Variants in ABLIM1 observed in about 807,000 individuals in gnomAD.
The protein encoded by ABLIM1 is actin-binding LIM protein 1.
Under a neutral mutation model 107.0 loss-of-function variants are expected in ABLIM1, and 40 were observed. The observed-to-expected ratio is 0.37, with a 90% CI of 0.29 to 0.49. ABLIM1 has a LOEUF of 0.49. Ranked by LOEUF, ABLIM1 falls within the 20% of genes least tolerant of loss-of-function variation. ABLIM1 has a pLI of 0.97. For missense variants in ABLIM1, 857 were observed against 1,008.5 expected, an observed-to-expected ratio of 0.85 and a Z score of 2.04; for synonymous variants, 357 against 357.3, an observed-to-expected ratio of 1.00 and a Z score of 0.01.
intron 1 of ABLIM1, among the ~76,000 whole-genome samples, chr10:114,602,312 G>C (rs1285020855): frequency 6.6e-6 from 1 of 152,146 alleles, no homozygotes; most frequent in Admixed American, 6.5e-5. Context: ...TATTGATTTA[G>C]AAGGCACCTT....
At chr10:114,495,171 C>G (rs937995198) in intron 6 of ABLIM1, among the ~76,000 whole-genome samples, 2 of 152,114 alleles carry the variant, frequency 1.3e-5, no homozygotes, top group African/African-American at 4.8e-5. Flanking sequence ...CTCACATTCT[C>G]CTTTGCAGCT....
intron 15 of ABLIM1, among the ~76,000 whole-genome samples, chr10:114,447,533 T>C (rs764012662): frequency 2.1e-4 from 32 of 152,254 alleles, no homozygotes; most frequent in Non-Finnish European, 3.2e-4. Context: ...ACTCTAATTA[T>C]ATAGAACAAT....
chr10:114,604,611 C>T (rs536788955), intron 1 of ABLIM1, among the ~76,000 whole-genome samples: 5 of 152,170 alleles, frequency 3.3e-5, no homozygotes, highest in Non-Finnish European at 7.3e-5. Flanking sequence ...GTGATTCTTA[C>T]GCATACTCCA....
At chr10:114,557,224 T>C (rs542010190) in intron 4 of ABLIM1, among the ~76,000 whole-genome samples, 4 of 152,336 alleles carry the variant, frequency 2.6e-5, no homozygotes, top group African/African-American at 9.6e-5. Flanking sequence ...TAATCACCCA[T>C]GTCCCTGTAG....
At chr10:114,518,826 A>AT (rs1199659257) in intron 6 of ABLIM1, among the ~76,000 whole-genome samples, 1 of 151,818 alleles carries the variant, frequency 6.6e-6, no homozygotes, top group Non-Finnish European at 1.5e-5. Flanking sequence ...TACTTAAAAA[A>AT]AAAAACTTTT....
chr10:114,704,318 A>C lies in ABLIM1; in HGVS notation c.-213+63743T>G, dbSNP rs1343831670. Among the ~76,000 whole-genome samples the C allele has an allele frequency of 4.6e-3, 368 of 80,494 alleles. 7 individuals carry two copies. Among genetic ancestry groups the C allele is most frequent in the South Asian group, 6.1e-3 (11 of 1,802 alleles). 52.8% of individuals were successfully genotyped at this position (80,494 alleles called of 152,430 possible). ...TCTCTCTCTCTATATATATATATAT[A>C]TATATATATATATATATTGCGCGCG... On this transcript the variant is annotated intron_variant, in intron 1 of 15. Coordinates refer to the ABLIM1 transcript ENST00000651092.
chr10:114,735,823 T>A (rs1292091320), intron 1 of ABLIM1, among the ~76,000 whole-genome samples: 1 of 152,162 alleles, frequency 6.6e-6, no homozygotes, highest in African/African-American at 2.4e-5. Flanking sequence ...TGTGGTCAAG[T>A]CAAAGTTATA....
chr10:114,606,509 C>G (rs1486448217), intron 1 of ABLIM1, among the ~76,000 whole-genome samples: 1 of 152,152 alleles, frequency 6.6e-6, no homozygotes, highest in African/African-American at 2.4e-5. Flanking sequence ...GCTGAGATTA[C>G]AGGCGTAAGG....
At chr10:114,485,038 T>G (rs549646850) in intron 8 of ABLIM1, among the ~76,000 whole-genome samples, 1 of 152,372 alleles carries the variant, frequency 6.6e-6, no homozygotes, top group South Asian at 2.1e-4. Context: ...TGAACAAACG[T>G]GGCAACACGG....
chr10:114,651,479 T>C (rs2079239285), intron 1 of ABLIM1, among the ~76,000 whole-genome samples: 1 of 152,060 alleles, frequency 6.6e-6, no homozygotes, highest in Non-Finnish European at 1.5e-5. Flanking sequence ...GGCAGCAGAA[T>C]TGCACATACA....
chr10:114,474,976 A>T (rs1200063502), intron 8 of ABLIM1, among the ~76,000 whole-genome samples: 1 of 152,174 alleles, frequency 6.6e-6, no homozygotes, highest in African/African-American at 2.4e-5. Flanking sequence ...GCCTTCTGCC[A>T]TGATTGTGAG....
At position 114,473,082 on chromosome 10, in the gene ABLIM1, C is replaced by A. The variant is rs370279597; in HGVS notation, c.1170G>T (p.Pro390=). ...CAATGTCATAAATTGCCTTGACCTT[C>A]GGAATGGCTGCTAAATCCTTGTAAT... ...ILDYKDLAAI[P]KVKAIYDIER... is the part of the protein sequence containing the mutation. The change falls in exon 10 of 23, where the codon CCG becomes CCT. Residue 390 remains proline (P), a synonymous_variant. Coordinates refer to ENST00000533213, the MANE Select transcript of ABLIM1 (RefSeq NM_002313.7). The A allele has an allele frequency of 1.9e-6, 3 of 1,613,336 alleles. No individual in the cohort carries two copies. The South Asian group carries it at 3.3e-5, about 18-fold the overall frequency.
intron 1 of ABLIM1, among the ~76,000 whole-genome samples, chr10:114,756,946 A>G (rs2082642897): frequency 6.6e-6 from 1 of 152,144 alleles, no homozygotes; most frequent in Non-Finnish European, 1.5e-5. Context: ...CTGGAACTCT[A>G]TAAGGAAAGG....
intron 1 of ABLIM1, among the ~76,000 whole-genome samples, chr10:114,744,193 G>C (rs1225415356): frequency 1.3e-5 from 2 of 152,188 alleles, no homozygotes; most frequent in Non-Finnish European, 1.5e-5. Flanking sequence ...TTTGGAGGTA[G>C]ACTCAAACTT....
chr10:114,733,669 A>G (rs1455571313), intron 1 of ABLIM1, among the ~76,000 whole-genome samples: 1 of 152,110 alleles, frequency 6.6e-6, no homozygotes, highest in Non-Finnish European at 1.5e-5. Flanking sequence ...GTATTCTTAT[A>G]ATTAGATAAA....
the ABLIM1 span, among the ~76,000 whole-genome samples, chr10:114,781,863 A>G: frequency 6.6e-6 from 1 of 152,000 alleles, no homozygotes. Flanking sequence ...AAATCTAAAC[A>G]TGCTCTTTCT....
In ABLIM1 at chr10:114,436,084, T is replaced by C. The variant is rs2059340709; in HGVS notation, c.*176A>G. 2 of 588,154 alleles carry C rather than the reference T, an allele frequency of 3.4e-6. No homozygotes were observed. The highest frequency in any genetic ancestry group is 2.2e-5 in the South Asian group (1 of 44,562). 36.4% of individuals were successfully genotyped at this position (588,154 alleles called of 1,614,324 possible). On this transcript the variant is annotated 3_prime_UTR_variant, in exon 23 of 23. Coordinates refer to ENST00000533213, the MANE Select transcript of ABLIM1 (RefSeq NM_002313.7). ...TCTACGCCATGCTTCTTGGCAAGTG[T>C]TACTGTTGGCTGGCCCGACATTTGA...
rs980988305 is a variant in ABLIM1, at chr10:114,432,970, G to A, written c.*3290C>T. 3 of 152,168 alleles carry A rather than the reference G, an allele frequency of 2.0e-5. No individual in the cohort carries two copies. Among genetic ancestry groups the A allele is most frequent in the Non-Finnish European group, 4.4e-5 (3 of 68,034 alleles). 9.4% of individuals were successfully genotyped at this position (152,168 alleles called of 1,614,324 possible). On this transcript the variant is annotated 3_prime_UTR_variant, in exon 23 of 23. Transcript: ENST00000533213. Reference sequence around the variant, plus strand: ...CAATGCTCTTCCTATCTCCTAATAAGTCACACAGAAAGACTATGTGATAGC... The same window carrying A: ...CAATGCTCTTCCTATCTCCTAATAAATCACACAGAAAGACTATGTGATAGC...
rs116572972 is a variant in ABLIM1 at position 114,449,217 on chromosome 10, A to G, written c.1595-1197T>C. On this transcript the variant is annotated intron_variant, in intron 14 of 22. Coordinates refer to ENST00000533213, the MANE Select transcript of ABLIM1 (RefSeq NM_002313.7). ...GATGGAGCAAAACAAACCAGGTTAA[A>G]TGGACAGTCCCTGATTCTGGCTAAT... 1.7e-3 allele frequency among the ~76,000 whole-genome samples: 260 copies of G among 152,368 alleles called. 1 individual carries two copies. Among genetic ancestry groups the G allele is most frequent in the African/African-American group, 6.0e-3 (251 of 41,592 alleles).
Sources: gnomAD v4.1 joint callset for allele counts (sites outside exome capture counted in the v4.1 genomes callset) on GRCh38, gnomAD v4.1.1 for gene constraint, MANE v1.5 for transcripts, NCBI Gene and HGNC (gene_info 2026-07-23, HGNC 2026-07-21) for gene names.